The following SENP8 variants were observed in gnomAD, a reference collection of about 807,000 sequenced individuals.
The protein encoded by SENP8 is sentrin-specific protease 8.
Under a neutral mutation model 14.4 loss-of-function variants are expected in SENP8, and 10 were observed. That is an observed-to-expected ratio of 0.69 (90% confidence interval 0.43 to 1.18). SENP8 has a LOEUF of 1.18. SENP8 is among the 50% of genes most tolerant of loss of function. SENP8 has a pLI of 0.00. For missense variants in SENP8, 202 were observed against 249.4 expected (o/e 0.81, Z 1.28); for synonymous variants, 94 against 95.5 (o/e 0.98, Z 0.09).
upstream of SENP8, chr15:72,116,790 C>T (rs978891494): frequency 6.6e-6 from 1 of 152,090 alleles, no homozygotes; most frequent in African/African-American, 2.4e-5. Context: ...AACATCAGTG[C>T]TGGACAACCT....
chr15:72,127,277 A>C (rs2081230026), intron 1 of SENP8, among the ~76,000 whole-genome samples: 1 of 152,180 alleles, frequency 6.6e-6, no homozygotes, highest in Non-Finnish European at 1.5e-5. Flanking sequence ...AAATTAAAAA[A>C]CTATCACATA....
intron 1 of SENP8, among the ~76,000 whole-genome samples, chr15:72,125,426 G>T (rs1405593794): frequency 6.6e-6 from 1 of 151,966 alleles, no homozygotes; most frequent in South Asian, 2.1e-4. Context: ...TCATGTAAGT[G>T]TATTAACTAA....
At chr15:72,136,131 T>C (rs897855001) in intron 1 of SENP8, among the ~76,000 whole-genome samples, 3 of 152,196 alleles carry the variant, frequency 2.0e-5, no homozygotes, top group African/African-American at 7.2e-5. Flanking sequence ...ATAGTAAAGA[T>C]TATTATAGGA....
At chr15:72,138,643 C>T (rs2081349904) in intron 1 of SENP8, among the ~76,000 whole-genome samples, 1 of 151,384 alleles carries the variant, frequency 6.6e-6, no homozygotes, top group African/African-American at 2.4e-5. Context: ...AGCCACAGCA[C>T]CCAGCCTAGG....
chr15:72,140,005 C>G lies in SENP8; in HGVS notation c.382C>G (p.His128Asp). The change falls in exon 2 of 2, where the codon CAC becomes GAC. Residue 128 changes from histidine (H) to aspartate (D), a missense_variant. Transcript: ENST00000340912. ...YDSHSRSNSV[H>D]AKQVAEKLEA... ...TTCCCATAGCAGGAGCAACTCAGTTCACGCAAAGCAGGTAGCAGAGAAACT... is the reference window on the plus strand; with the variant it reads ...TTCCCATAGCAGGAGCAACTCAGTTGACGCAAAGCAGGTAGCAGAGAAACT... The G allele has an allele frequency of 1.2e-6, 2 of 1,614,190 alleles. No homozygotes were observed. The highest frequency in any genetic ancestry group is 1.3e-5 in the African/African-American group (1 of 75,054).
intron 1 of SENP8, among the ~76,000 whole-genome samples, chr15:72,125,704 T>G (rs1022772801): frequency 1.3e-5 from 2 of 152,132 alleles, no homozygotes; most frequent in African/African-American, 4.8e-5. Context: ...CGAAAAAAAG[T>G]TAAAATTTTT....
chr15:72,123,985 C>T (rs1448399608), intron 1 of SENP8, among the ~76,000 whole-genome samples: 3 of 152,146 alleles, frequency 2.0e-5, no homozygotes, highest in Non-Finnish European at 4.4e-5. Context: ...TAAAAAGTCA[C>T]CTGTTTTATC....
At chr15:72,134,438 G>A (rs1027092932) in intron 1 of SENP8, among the ~76,000 whole-genome samples, 6 of 152,096 alleles carry the variant, frequency 3.9e-5, no homozygotes, top group Non-Finnish European at 8.8e-5. Context: ...AATTAGCCAG[G>A]CATGGTGGTA....
chr15:72,124,346 C>T (rs1167898305), intron 1 of SENP8, among the ~76,000 whole-genome samples: 1 of 152,022 alleles, frequency 6.6e-6, no homozygotes, highest in Non-Finnish European at 1.5e-5. Context: ...TCTTGATGGT[C>T]ATTCTTACAT....
At chr15:72,115,085 C>T (rs1165553932), upstream of SENP8, among the ~76,000 whole-genome samples, 2 of 152,166 alleles carry the variant, frequency 1.3e-5, no homozygotes, top group Non-Finnish European at 2.9e-5. Flanking sequence ...GGGAAAACAA[C>T]TGTTAAAAAT....
intron 1 of SENP8, among the ~76,000 whole-genome samples, chr15:72,126,582 G>A (rs750149229): frequency 3.3e-5 from 5 of 151,940 alleles, no homozygotes; most frequent in African/African-American, 9.7e-5. Context: ...CCGAGATTGC[G>A]CCACTACACT....
chr15:72,139,946 A>G lies in SENP8; in HGVS notation c.323A>G (p.Tyr108Cys). The change falls in exon 2 of 2, where the codon TAC becomes TGC. Residue 108 changes from tyrosine (Y) to cysteine (C), a missense_variant. Physicochemically the swap from Tyr to Cys is radical, Grantham distance 194. Transcript: ENST00000340912. ...AGGTHWSLLV[Y>C]LQDKNSFFHY... ...GGAACCCACTGGAGTTTATTGGTCT[A>G]CCTCCAAGATAAAAATAGCTTTTTT... 1.2e-6 allele frequency: 2 copies of G among 1,614,200 alleles called. No homozygotes were observed. The highest frequency in any genetic ancestry group is 1.7e-5 in the Admixed American group (1 of 60,022).
At chr15:72,139,199 A>G (rs567890132) in intron 1 of SENP8, 2 of 160,336 alleles carry the variant, frequency 1.2e-5, no homozygotes, top group South Asian at 3.7e-4. Context: ...CCAATAACAT[A>G]GCCAGTTAAC....
chr15:72,133,414 G>T (rs2081294704), intron 1 of SENP8, among the ~76,000 whole-genome samples: 1 of 152,146 alleles, frequency 6.6e-6, no homozygotes, highest in Non-Finnish European at 1.5e-5. Context: ...TAGCACGCTA[G>T]ACTATTCAAG....
intron 1 of SENP8, among the ~76,000 whole-genome samples, chr15:72,119,295 T>C (rs1047843929): frequency 6.6e-6 from 1 of 152,210 alleles, no homozygotes; most frequent in African/African-American, 2.4e-5. Flanking sequence ...TTTTGTTAAA[T>C]AAAACCAATA....
chr15:72,117,660 G>C (rs1414050459), upstream of SENP8: 1 of 396,104 alleles, frequency 2.5e-6, no homozygotes, highest in Non-Finnish European at 4.4e-6. Flanking sequence ...AGGGCCGCTG[G>C]GCGCTTGGGC....
intron 1 of SENP8, among the ~76,000 whole-genome samples, chr15:72,130,948 A>C (rs1458476560): frequency 6.6e-6 from 1 of 152,192 alleles, no homozygotes; most frequent in East Asian, 1.9e-4. Context: ...GTGGAAACTT[A>C]GAAAAGAGCT....
upstream of SENP8, among the ~76,000 whole-genome samples, chr15:72,114,781 G>A (rs1289095883): frequency 6.6e-6 from 1 of 152,134 alleles, no homozygotes; most frequent in Non-Finnish European, 1.5e-5. Flanking sequence ...AATACATTAA[G>A]TCAATATTGT....
chr15:72,119,400 G>A lies in SENP8; in HGVS notation c.-48+936G>A, dbSNP rs143782570. Among the ~76,000 whole-genome samples the A allele has an allele frequency of 7.9e-5, 12 of 152,332 alleles. No individual in the cohort carries two copies. In the East Asian group the frequency reaches 2.3e-3, roughly 29 times the overall value. On this transcript the variant is annotated intron_variant, in intron 1 of 1. Coordinates refer to ENST00000340912, the MANE Select transcript of SENP8 (RefSeq NM_145204.4). ...AGGTGACTCTAATGCTAAAGATTGAGACTCACTAAACTAGAGAGAAGGAAG... is the reference window on the plus strand; with the variant it reads ...AGGTGACTCTAATGCTAAAGATTGAAACTCACTAAACTAGAGAGAAGGAAG...
Sources: gnomAD v4.1 joint callset for allele counts (sites outside exome capture counted in the v4.1 genomes callset) on GRCh38, gnomAD v4.1.1 for gene constraint, MANE v1.5 for transcripts, NCBI Gene and HGNC (gene_info 2026-07-23, HGNC 2026-07-21) for gene names.